The following TUSC3 variants were observed in gnomAD, a reference collection of about 807,000 sequenced individuals.
TUSC3 encodes the protein tumor suppressor candidate 3.
In TUSC3, 45 loss-of-function variants were observed where a neutral mutation model predicts 44.8. The observed-to-expected ratio is 1.00, with a 90% CI of 0.79 to 1.29. The LOEUF is 1.29. Ranked by LOEUF, TUSC3 falls within the 50% of genes most tolerant of loss-of-function variation. The probability of loss-of-function intolerance (pLI) is 0.00; values close to 1 mark genes in which losing one functional copy is unlikely to be tolerated. For missense variants in TUSC3, 519 were observed against 437.9 expected (o/e 1.19, Z -1.65); for synonymous variants, 212 against 152.9 (o/e 1.39, Z -2.85).
chr8:15,825,130 G>A, the TUSC3 span, among the ~76,000 whole-genome samples: 26,362 of 152,060 alleles, frequency 0.17, 2,429 homozygotes, highest in Admixed American at 0.28. Context: ...ATTATGGTCA[G>A]TGCCAAGGGT....
intron 5 of TUSC3, among the ~76,000 whole-genome samples, chr8:15,668,479 C>G (rs188234787): frequency 6.6e-6 from 1 of 151,676 alleles, no homozygotes; most frequent in Non-Finnish European, 1.5e-5. Flanking sequence ...TGTGGAGATA[C>G]AAAGATAAGA....
chr8:15,523,688 G>GTA (rs1296439729), intron 2 of TUSC3, among the ~76,000 whole-genome samples: 10 of 50,080 alleles, frequency 2.0e-4, no homozygotes, highest in African/African-American at 8.4e-4. Flanking sequence ...GTGTGTGTGT[G>GTA]TGTGTGTGTG....
the TUSC3 span, among the ~76,000 whole-genome samples, chr8:15,833,989 A>G: frequency 6.6e-6 from 1 of 152,150 alleles, no homozygotes; most frequent in Middle Eastern, 3.4e-3. Flanking sequence ...TGTGCATTCA[A>G]ATTTATTTCT....
At chr8:15,851,080 C>T in the TUSC3 span, among the ~76,000 whole-genome samples, 54 of 152,208 alleles carry the variant, frequency 3.5e-4, no homozygotes, top group South Asian at 1.7e-3. Flanking sequence ...GACGACGCGA[C>T]GCTTTTCGGA....
At chr8:15,832,669 G>A in the TUSC3 span, among the ~76,000 whole-genome samples, 1 of 152,100 alleles carries the variant, frequency 6.6e-6, no homozygotes. Context: ...AACCAACAAA[G>A]ACCAAAGAAG....
At chr8:15,505,329 C>T (rs1257287821) in intron 2 of TUSC3, among the ~76,000 whole-genome samples, 1 of 152,204 alleles carries the variant, frequency 6.6e-6, no homozygotes, top group African/African-American at 2.4e-5. Context: ...TTCTGATGGC[C>T]AGACTTTTCA....
At chr8:15,684,345 G>T (rs1042311004) in intron 6 of TUSC3, among the ~76,000 whole-genome samples, 1 of 152,124 alleles carries the variant, frequency 6.6e-6, no homozygotes, top group Non-Finnish European at 1.5e-5. Context: ...TTCACTGGTG[G>T]TCTGGTGATG....
At chr8:15,831,371 T>C in the TUSC3 span, among the ~76,000 whole-genome samples, 1 of 152,116 alleles carries the variant, frequency 6.6e-6, no homozygotes, top group Admixed American at 6.5e-5. Context: ...GCAAGAACTC[T>C]GACAATTCCA....
intron 7 of TUSC3, 71 bp downstream of exon 7, chr8:15,730,800 C>G: frequency 6.8e-7 from 1 of 1,470,068 alleles, no homozygotes; most frequent in South Asian, 1.2e-5. Flanking sequence ...TGACATTTTT[C>G]CTGGCAGTAA....
intron 1 of TUSC3, among the ~76,000 whole-genome samples, chr8:15,578,657 G>C (rs889960620): frequency 6.6e-6 from 1 of 151,788 alleles, no homozygotes; most frequent in African/African-American, 2.4e-5. Context: ...GTGTCCCAGG[G>C]ATGAAGCCCA....
At chr8:15,615,187 T>TAC (rs1804937812) in intron 1 of TUSC3, among the ~76,000 whole-genome samples, 1 of 152,192 alleles carries the variant, frequency 6.6e-6, no homozygotes, top group Non-Finnish European at 1.5e-5. Flanking sequence ...TTATTCACAA[T>TAC]ACCCCTGATG....
At chr8:15,457,131 C>A (rs1011177269) in intron 1 of TUSC3, among the ~76,000 whole-genome samples, 1 of 132,882 alleles carries the variant, frequency 7.5e-6, no homozygotes, top group South Asian at 2.3e-4. Flanking sequence ...AACACATGGA[C>A]ACAGGAAGGG....
At chr8:15,799,350 G>A in the TUSC3 span, among the ~76,000 whole-genome samples, 2 of 152,068 alleles carry the variant, frequency 1.3e-5, no homozygotes, top group Non-Finnish European at 2.9e-5. Context: ...TAGACATTCA[G>A]CTATAAAACT....
the TUSC3 span, among the ~76,000 whole-genome samples, chr8:15,851,149 G>C: frequency 0.012 from 1,859 of 152,260 alleles, 20 homozygotes; most frequent in Middle Eastern, 0.02. Context: ...TCATCCTCTG[G>C]CCTTCAAAAT....
At chr8:15,479,428 C>G (rs1031573284) in intron 1 of TUSC3, among the ~76,000 whole-genome samples, 2 of 151,978 alleles carry the variant, frequency 1.3e-5, no homozygotes, top group Non-Finnish European at 2.9e-5. Flanking sequence ...TTTTACATTT[C>G]AGCTTTTAAT....
At chr8:15,651,213 A>G (rs750821758) in intron 3 of TUSC3, among the ~76,000 whole-genome samples, 1 of 152,212 alleles carries the variant, frequency 6.6e-6, no homozygotes, top group Non-Finnish European at 1.5e-5. Flanking sequence ...GTTTACATGC[A>G]TTGGTCTTAT....
chr8:15,586,054 A>G (rs1396419867), intron 1 of TUSC3, among the ~76,000 whole-genome samples: 1 of 152,152 alleles, frequency 6.6e-6, no homozygotes, highest in Non-Finnish European at 1.5e-5. Flanking sequence ...CTAGGAGAGT[A>G]TGGTATGTCA....
intron 8 of TUSC3, among the ~76,000 whole-genome samples, chr8:15,745,952 G>T (rs544791005): frequency 3.3e-5 from 5 of 152,030 alleles, no homozygotes; most frequent in African/African-American, 1.2e-4. Flanking sequence ...GTGAAGGGTA[G>T]GGGCCAAGTT....
chr8:15,548,801 T>C (rs796068257), intron 1 of TUSC3, among the ~76,000 whole-genome samples: 4 of 151,974 alleles, frequency 2.6e-5, no homozygotes, highest in East Asian at 1.9e-4. Context: ...TTCTACCCTA[T>C]GTTTTAATAA....
Sources: allele counts gnomAD v4.1 joint callset (sites outside exome capture counted in the v4.1 genomes callset), GRCh38; gene constraint gnomAD v4.1.1; transcripts MANE v1.5; gene names NCBI Gene and HGNC (gene_info 2026-07-23, HGNC 2026-07-21).